The following RUSC2 variants were observed in gnomAD, a reference collection of about 807,000 sequenced individuals.
The protein encoded by RUSC2 is RUN and SH3 domain containing 2, also known as AP-4 complex accessory subunit RUSC2.
RUSC2 carries 34 observed loss-of-function variants against 122.2 expected under a neutral mutation model. The ratio of observed to expected loss-of-function variants is 0.28; its 90% CI spans 0.21 to 0.37. The LOEUF is 0.37. Ranked by LOEUF, RUSC2 falls within the 10% of genes least tolerant of loss-of-function variation. The pLI, the probability that RUSC2 is intolerant of heterozygous loss-of-function variation, is 1.00. For synonymous variants in RUSC2, 784 were observed against 790.0 expected (o/e 0.99, Z 0.13); for missense variants, 1,747 against 1,952.4 (o/e 0.89, Z 1.98).
intron 2 of RUSC2, 140 bp from the exon 3 acceptor site, chr9:35,554,920 A>C (rs1424641801): frequency 1.1e-6 from 1 of 888,314 alleles, no homozygotes; most frequent in Non-Finnish European, 1.8e-6. Context: ...GCAGTGTCCC[A>C]TTCCACGAAC....
chr9:35,523,868 G>A (rs1201470319), intron 1 of RUSC2, among the ~76,000 whole-genome samples: 1 of 151,684 alleles, frequency 6.6e-6, no homozygotes, highest in East Asian at 1.9e-4. Flanking sequence ...CAAATCTGGG[G>A]CAGTCTGAAC....
intron 1 of RUSC2, among the ~76,000 whole-genome samples, chr9:35,500,136 T>C (rs947824026): frequency 8.2e-6 from 1 of 121,950 alleles, no homozygotes; most frequent in African/African-American, 3.0e-5. Flanking sequence ...GATTCAGACG[T>C]TTCTGCCTTA....
intron 1 of RUSC2, among the ~76,000 whole-genome samples, chr9:35,525,917 C>CA (rs952321638): frequency 1.2e-4 from 18 of 151,718 alleles, no homozygotes; most frequent in African/African-American, 3.9e-4. Flanking sequence ...CCCTATCTAC[C>CA]AAAAAAAAGA....
chr9:35,505,723 T>C (rs1820903254), intron 1 of RUSC2, among the ~76,000 whole-genome samples: 1 of 152,174 alleles, frequency 6.6e-6, no homozygotes, highest in South Asian at 2.1e-4. Context: ...CAAATTAATT[T>C]TAATACTGTA....
At chr9:35,532,326 A>G (rs1274461116) in intron 1 of RUSC2, among the ~76,000 whole-genome samples, 4 of 152,254 alleles carry the variant, frequency 2.6e-5, no homozygotes, top group African/African-American at 9.6e-5. Context: ...AAGACTGTTC[A>G]GATTGAAAAG....
rs927554963 is a variant in RUSC2 at position 35,557,310 on chromosome 9, C to T, written c.2984-604C>T. Reference sequence around the variant, plus strand: ...GAAAGAACCCGGGCAAGAAGGGAAACGGCCACCTTCCTCCAGGACGCGAAG... The same window carrying T: ...GAAAGAACCCGGGCAAGAAGGGAAATGGCCACCTTCCTCCAGGACGCGAAG... On this transcript the variant is annotated intron_variant, in intron 5 of 11. Coordinates refer to ENST00000361226, the MANE Select transcript of RUSC2 (RefSeq NM_014806.5). This position sits in a 1 kb window ranked among gnomAD's most constrained non-coding sequence, Gnocchi z 4.6. Among the ~76,000 whole-genome samples the T allele has an allele frequency of 2.0e-5, 3 of 152,028 alleles. No individual in the cohort carries two copies. The highest frequency in any genetic ancestry group is 7.2e-5 in the African/African-American group (3 of 41,394).
chr9:35,551,439 AG>A (rs1038344720), intron 2 of RUSC2, among the ~76,000 whole-genome samples: 3 of 152,104 alleles, frequency 2.0e-5, no homozygotes, highest in Admixed American at 6.5e-5. Context: ...CATGGGAGGG[AG>A]ATCTCTAGGG....
At chr9:35,554,281 C>T (rs1185535603) in intron 2 of RUSC2, among the ~76,000 whole-genome samples, 1 of 152,206 alleles carries the variant, frequency 6.6e-6, no homozygotes, top group Non-Finnish European at 1.5e-5. Flanking sequence ...CCTGAAAGAA[C>T]AGGAGAGGCC....
In RUSC2 at chr9:35,560,097, T is replaced by A. The variant is rs1205095131; in HGVS notation, c.3457T>A (p.Phe1153Ile). The change falls in exon 10 of 12, where the codon TTT becomes ATT. Residue 1153 changes from phenylalanine (F) to isoleucine (I), a missense_variant. Physicochemically the swap from Phe to Ile is conservative, Grantham distance 21 (BLOSUM62 0). Transcript: ENST00000361226. ...SAAHTVCPGL[F>I]EELLLLLQPL... ...AGCTCATACCGTGTGTCCCGGCCTCTTTGAAGAGCTGCTGCTGCTGCTACA... is the reference window on the plus strand; with the variant it reads ...AGCTCATACCGTGTGTCCCGGCCTCATTGAAGAGCTGCTGCTGCTGCTACA... 6.2e-7 allele frequency: 1 copy of A among 1,613,706 alleles called. No individual in the cohort carries two copies. Among genetic ancestry groups the A allele is most frequent in the Non-Finnish European group, 8.5e-7 (1 of 1,179,994 alleles).
chr9:35,501,982 A>C (rs1820824964), intron 1 of RUSC2, among the ~76,000 whole-genome samples: 1 of 152,182 alleles, frequency 6.6e-6, no homozygotes, highest in Admixed American at 6.5e-5. Flanking sequence ...ACTTCTAAAA[A>C]ATATACACTG....
chr9:35,518,751 C>T (rs1821155328), intron 1 of RUSC2, among the ~76,000 whole-genome samples: 1 of 152,222 alleles, frequency 6.6e-6, no homozygotes, highest in Non-Finnish European at 1.5e-5. Context: ...CGGTTGAGGA[C>T]TGGCCTAACC....
intron 2 of RUSC2, among the ~76,000 whole-genome samples, chr9:35,551,749 GA>G (rs1411409274): frequency 6.6e-6 from 1 of 152,160 alleles, no homozygotes; most frequent in Admixed American, 6.6e-5. Context: ...TCCAATCTAG[GA>G]ATGACAGTAT....
At chr9:35,512,531 A>G (rs1412732707) in intron 1 of RUSC2, among the ~76,000 whole-genome samples, 1 of 152,150 alleles carries the variant, frequency 6.6e-6, no homozygotes, top group Non-Finnish European at 1.5e-5. Flanking sequence ...GTAGTCCCTC[A>G]TGTCTCCTGT....
chr9:35,532,514 G>T (rs1312241420), intron 1 of RUSC2, among the ~76,000 whole-genome samples: 5 of 152,222 alleles, frequency 3.3e-5, no homozygotes, highest in Admixed American at 3.3e-4. Flanking sequence ...CAAGGCCGAG[G>T]TGGGCAGATC....
intron 1 of RUSC2, among the ~76,000 whole-genome samples, chr9:35,520,588 G>A (rs1427724079): frequency 6.6e-6 from 1 of 152,166 alleles, no homozygotes; most frequent in Admixed American, 6.5e-5. Flanking sequence ...GGGTGGGGGA[G>A]CAGAGTACAC....
At chr9:35,505,489 A>G (rs1820898984) in intron 1 of RUSC2, among the ~76,000 whole-genome samples, 1 of 152,132 alleles carries the variant, frequency 6.6e-6, no homozygotes, top group African/African-American at 2.4e-5. Context: ...CTATGCCTTC[A>G]TTTGACCTTG....
chr9:35,495,350 A>G (rs980311076), intron 1 of RUSC2, among the ~76,000 whole-genome samples: 2 of 144,504 alleles, frequency 1.4e-5, no homozygotes, highest in African/African-American at 5.1e-5. Flanking sequence ...TTTGTATGTA[A>G]TGTAAGATAA....
At chr9:35,535,461 A>G (rs1477204075) in intron 1 of RUSC2, among the ~76,000 whole-genome samples, 1 of 148,970 alleles carries the variant, frequency 6.7e-6, no homozygotes, top group African/African-American at 2.5e-5. Flanking sequence ...CACATGGAAA[A>G]CAGTCTTCTC....
At chr9:35,508,188 CA>C (rs1344428946) in intron 1 of RUSC2, among the ~76,000 whole-genome samples, 5 of 152,160 alleles carry the variant, frequency 3.3e-5, no homozygotes, top group African/African-American at 1.2e-4. Flanking sequence ...TGTCTACAGC[CA>C]TCCTCTCCTC....
Sources: gnomAD v4.1 joint callset for allele counts (sites outside exome capture counted in the v4.1 genomes callset) on GRCh38, gnomAD v4.1.1 for gene constraint, Gnocchi (gnomAD v3.1) non-coding constraint, MANE v1.5 for transcripts, NCBI Gene and HGNC (gene_info 2026-07-23, HGNC 2026-07-21) for gene names.